Variants in SUCLG1 observed in about 807,000 individuals in gnomAD.
The protein encoded by SUCLG1 is succinate--CoA ligase [ADP/GDP-forming] subunit alpha, mitochondrial.
SUCLG1 carries 26 observed loss-of-function variants against 37.3 expected under a neutral mutation model. The ratio of observed to expected loss-of-function variants is 0.70; its 90% CI spans 0.51 to 0.97. SUCLG1 has a LOEUF of 0.97. Among genes scored for constraint, SUCLG1 ranks in the 50% least tolerant of loss-of-function variants. The pLI is 0.00. For synonymous variants in SUCLG1, 163 were observed against 155.6 expected (o/e 1.05, Z -0.36); for missense variants, 433 against 432.9 (o/e 1.00, Z 0.00).
intron 2 of SUCLG1, among the ~76,000 whole-genome samples, chr2:84,444,865 TA>T (rs1672825876): frequency 6.6e-6 from 1 of 152,136 alleles, no homozygotes; most frequent in African/African-American, 2.4e-5. Flanking sequence ...TTTGAAAAAA[TA>T]TGGCTCTGTT....
chr2:84,423,642 G>T lies in SUCLG1; in HGVS notation c.*104C>A. The stretch of plus-strand genomic sequence containing the variant: ...CTTCCAGTTGTACTGCAAGACCAGT[G>T]TCAGGCACATAGGCTGATTAATCAG... On this transcript the variant is annotated 3_prime_UTR_variant, in exon 9 of 9. Transcript: ENST00000393868. 1 of 1,178,924 alleles carries T rather than the reference G, an allele frequency of 8.5e-7. No homozygotes were observed. Among genetic ancestry groups the T allele is most frequent in the Non-Finnish European group, 1.2e-6 (1 of 804,906 alleles). The allele number at this position is 1,178,924 out of a possible 1,614,324, so 73.0% of individuals were successfully genotyped here.
chr2:84,423,772 C>G lies in SUCLG1; in HGVS notation c.1015G>C (p.Glu339Gln), dbSNP rs754710101. The G allele has an allele frequency of 1.2e-6, 2 of 1,605,922 alleles. No homozygotes were observed. The highest frequency in any genetic ancestry group is 1.7e-5 in the Admixed American group (1 of 59,488). ...CATAGCATCTTCCTCTTTTCAAATT[C>G]CTTCAGAAACAGAAGAGAGAGAGAA... ...PAQLGTTIYK[E>Q]FEKRKML The change falls in exon 9 of 9, where the codon GAA becomes CAA. Residue 339 changes from glutamate (E) to glutamine (Q), a missense_variant and splice_region_variant. Glu to Gln is a conservative substitution (Grantham distance 29). Coordinates refer to ENST00000393868, the MANE Select transcript of SUCLG1 (RefSeq NM_003849.4).
At position 84,440,211 on chromosome 2, in the gene SUCLG1, T is replaced by C. The variant is rs143411920; in HGVS notation, c.589+836A>G. Among the ~76,000 whole-genome samples, 1,411 of 152,202 alleles carry C rather than the reference T, an allele frequency of 9.3e-3. 20 individuals are homozygous for C. Among genetic ancestry groups the C allele is most frequent in the African/African-American group, 0.033 (1,358 of 41,504 alleles). On this transcript the variant is annotated intron_variant, in intron 5 of 8. Transcript: ENST00000393868. ...CCAACATGGAGAAACCCGTCTCTACTAAAAATACAAAATTAGCTGGGCGTG... is the reference window on the plus strand; with the variant it reads ...CCAACATGGAGAAACCCGTCTCTACCAAAAATACAAAATTAGCTGGGCGTG...
chr2:84,452,198 GC>G (rs1672952528), intron 1 of SUCLG1, among the ~76,000 whole-genome samples: 1 of 148,662 alleles, frequency 6.7e-6, no homozygotes, highest in African/African-American at 2.5e-5. Context: ...AAAAAAAAAA[GC>G]CTTGGGCATT....
intron 3 of SUCLG1, among the ~76,000 whole-genome samples, chr2:84,441,741 G>C (rs1012298214): frequency 1.3e-5 from 2 of 152,148 alleles, no homozygotes; most frequent in Non-Finnish European, 2.9e-5. Flanking sequence ...ACAGTGAACA[G>C]AGTCAAAGAA....
chr2:84,452,279 T>C (rs1042766531), intron 1 of SUCLG1, among the ~76,000 whole-genome samples: 2 of 151,246 alleles, frequency 1.3e-5, no homozygotes, highest in Non-Finnish European at 2.9e-5. Context: ...GTGGGGAGGG[T>C]GACAAAGCCA....
In SUCLG1 at chr2:84,425,282, C is replaced by A; in HGVS notation, c.1014+133G>T. 2 of 1,003,286 alleles carry A rather than the reference C, an allele frequency of 2.0e-6. 1 individual carries two copies. Among genetic ancestry groups the A allele is most frequent in the Non-Finnish European group, 3.1e-6 (2 of 651,754 alleles). The allele number at this position is 1,003,286 out of a possible 1,614,324, so 62.1% of individuals were successfully genotyped here. ...CACTAGGACATCAATAGAGTTGATA[C>A]AAACTATTAAGCTGCACATCAGAAA... On this transcript the variant is annotated intron_variant, in intron 8 of 8. Coordinates refer to ENST00000393868, the MANE Select transcript of SUCLG1 (RefSeq NM_003849.4).
intron 2 of SUCLG1, 41 bp from the exon 3 acceptor site, chr2:84,443,441 T>C: frequency 3.8e-6 from 6 of 1,575,204 alleles, no homozygotes; most frequent in Non-Finnish European, 5.2e-6. Flanking sequence ...AACAGCAGAC[T>C]GGTAAGCCCA....
chr2:84,433,181 G>C (rs1205645169), intron 6 of SUCLG1, 171 bp downstream of exon 6: 2 of 693,398 alleles, frequency 2.9e-6, no homozygotes, highest in African/African-American at 3.6e-5. Flanking sequence ...CATGAATCTT[G>C]AAACAACTAC....
At chr2:84,433,255 A>C in intron 6 of SUCLG1, 97 bp downstream of exon 6, 1 of 1,062,320 alleles carries the variant, frequency 9.4e-7, no homozygotes. Context: ...TAAGAGTATC[A>C]AAATCTTTTG....
rs764916394 is a variant in SUCLG1, at chr2:84,425,585, C to T, written c.844G>A (p.Val282Ile). ...GTTAAACCAGCAATGAAGGACACTA[C>T]AGGCTTGGAATTTGGACCCTAGAAA... ...QHNSGPNSKPVVSFIAGLTAP... is the reference protein window; with the variant it reads ...QHNSGPNSKPIVSFIAGLTAP... The change falls in exon 8 of 9, where the codon GTA becomes ATA. Residue 282 changes from valine (V) to isoleucine (I), a missense_variant. Val to Ile is a conservative substitution (Grantham distance 29, BLOSUM62 3). Transcript: ENST00000393868. 43 of 1,614,120 alleles carry T rather than the reference C, an allele frequency of 2.7e-5. No homozygotes were observed. In the East Asian group the frequency reaches 6.2e-4, roughly 23 times the overall value.
At chr2:84,440,202 C>T (rs942115024) in intron 5 of SUCLG1, among the ~76,000 whole-genome samples, 1 of 152,108 alleles carries the variant, frequency 6.6e-6, no homozygotes, top group Non-Finnish European at 1.5e-5. Context: ...TGGAGAAACC[C>T]GTCTCTACTA....
chr2:84,437,559 T>A (rs1251181732), intron 5 of SUCLG1, among the ~76,000 whole-genome samples: 1 of 152,200 alleles, frequency 6.6e-6, no homozygotes, highest in African/African-American at 2.4e-5. Context: ...GGCAAGGCTG[T>A]AGAGAAACTG....
At chr2:84,454,393 T>C (rs1200126875) in intron 1 of SUCLG1, among the ~76,000 whole-genome samples, 1 of 152,204 alleles carries the variant, frequency 6.6e-6, no homozygotes, top group Non-Finnish European at 1.5e-5. Context: ...GAGAATTAAA[T>C]GAGTTAGTAA....
At position 84,431,598 on chromosome 2, in the gene SUCLG1, G is replaced by A. The variant is rs377483465; in HGVS notation, c.735C>T (p.Asn245=). 97 of 1,613,798 alleles carry A rather than the reference G, an allele frequency of 6.0e-5. 1 individual carries two copies. The highest frequency in any genetic ancestry group is 7.2e-5 in the Non-Finnish European group (85 of 1,179,928). Residue 245 remains asparagine, a synonymous_variant, in exon 7 of 9, where the codon AAC becomes AAT. Coordinates refer to ENST00000393868, the MANE Select transcript of SUCLG1 (RefSeq NM_003849.4). ...ATATGATGCCTTCTGTGGCAGAATCGTTCAAAAAGATTTCGAGGCAGTCAA... is the reference window on the plus strand; with the variant it reads ...ATATGATGCCTTCTGTGGCAGAATCATTCAAAAAGATTTCGAGGCAGTCAA... ...DFIDCLEIFL[N]DSATEGIILI...
intron 5 of SUCLG1, among the ~76,000 whole-genome samples, chr2:84,440,233 C>T (rs181036249): frequency 8.5e-5 from 13 of 152,184 alleles, no homozygotes; most frequent in African/African-American, 2.6e-4. Flanking sequence ...ATTAGCTGGG[C>T]GTGGTGGCGC....
At chr2:84,453,074 C>T (rs1046744874) in intron 1 of SUCLG1, among the ~76,000 whole-genome samples, 1 of 152,178 alleles carries the variant, frequency 6.6e-6, no homozygotes, top group Non-Finnish European at 1.5e-5. Flanking sequence ...CCCAAAGCTA[C>T]ATTAATCTAG....
rs1343564047 is a variant in SUCLG1 at position 84,443,418 on chromosome 2, A to G, written c.202-18T>C. 6.2e-7 allele frequency: 1 copy of G among 1,610,694 alleles called. No homozygotes were observed. The highest frequency in any genetic ancestry group is 8.5e-7 in the Non-Finnish European group (1 of 1,176,980). ...AAGGTGCCCTGAGGGGAAAAAGCACAAGATCCATGAGAAACAGCAGACTGG... is the reference window on the plus strand; with the variant it reads ...AAGGTGCCCTGAGGGGAAAAAGCACGAGATCCATGAGAAACAGCAGACTGG... On this transcript the variant is annotated intron_variant, in intron 2 of 8. Transcript: ENST00000393868.
At chr2:84,452,888 C>T (rs1401866432) in intron 1 of SUCLG1, among the ~76,000 whole-genome samples, 1 of 152,134 alleles carries the variant, frequency 6.6e-6, no homozygotes, top group Non-Finnish European at 1.5e-5. Flanking sequence ...AAGCTAAACA[C>T]CATAAGGTTC....
Sources: gnomAD v4.1 joint callset for allele counts (sites outside exome capture counted in the v4.1 genomes callset) on GRCh38, gnomAD v4.1.1 for gene constraint, MANE v1.5 for transcripts, NCBI Gene and HGNC (gene_info 2026-07-23, HGNC 2026-07-21) for gene names.